OPCML: variants seen among roughly 807,000 people sequenced by gnomAD.
The protein encoded by OPCML is opioid binding protein/cell adhesion molecule like, also known as opioid-binding protein/cell adhesion molecule.
In OPCML, 13 loss-of-function variants were observed where a neutral mutation model predicts 37.8. The observed-to-expected ratio is 0.34, with a 90% CI of 0.22 to 0.55. The LOEUF (loss-of-function observed/expected upper bound fraction) is 0.55. Ranked by LOEUF, OPCML falls within the 20% of genes least tolerant of loss-of-function variation. The probability of loss-of-function intolerance (pLI) is 0.91; values close to 1 mark genes in which losing one functional copy is unlikely to be tolerated. For synonymous variants in OPCML, 176 were observed against 168.8 expected (o/e 1.04, Z -0.33); for missense variants, 341 against 435.6 (o/e 0.78, Z 1.93).
intron 1 of OPCML, among the ~76,000 whole-genome samples, chr11:133,437,352 C>G (rs570477283): frequency 6.6e-6 from 1 of 152,290 alleles, no homozygotes; most frequent in South Asian, 2.1e-4. Flanking sequence ...TCCACTTTCT[C>G]TCTGGGCATC....
chr11:132,532,855 C>G (rs559145062), intron 3 of OPCML, among the ~76,000 whole-genome samples: 1 of 152,118 alleles, frequency 6.6e-6, no homozygotes, highest in East Asian at 1.9e-4. Flanking sequence ...ATACTTTTAA[C>G]GTAAATTTAA....
At chr11:132,662,641 A>T (rs1047642501) in intron 2 of OPCML, among the ~76,000 whole-genome samples, 3 of 152,252 alleles carry the variant, frequency 2.0e-5, no homozygotes, top group Non-Finnish European at 4.4e-5. Flanking sequence ...TGGAGAGTGT[A>T]TCATGGGAAC....
intron 3 of OPCML, among the ~76,000 whole-genome samples, chr11:132,631,352 C>CATATATATATATATATATATATAT (rs61450463): frequency 9.8e-5 from 14 of 142,730 alleles, no homozygotes; most frequent in African/African-American, 3.4e-4. Context: ...ACCATATATA[C>CATATATATATATATATATATATAT]ATATATATAT....
At chr11:133,291,672 TA>T (rs1430514779) in intron 1 of OPCML, among the ~76,000 whole-genome samples, 1 of 152,254 alleles carries the variant, frequency 6.6e-6, no homozygotes, top group African/African-American at 2.4e-5. Context: ...CACAGGCTTA[TA>T]GCCCTGGGGG....
chr11:132,734,066 G>T (rs1945172853), intron 2 of OPCML, among the ~76,000 whole-genome samples: 1 of 152,150 alleles, frequency 6.6e-6, no homozygotes, highest in East Asian at 1.9e-4. Flanking sequence ...ATCTCAGAGT[G>T]TTTTTATGAA....
At chr11:132,468,137 T>G (rs1200633330) in intron 4 of OPCML, among the ~76,000 whole-genome samples, 1 of 152,234 alleles carries the variant, frequency 6.6e-6, no homozygotes, top group Admixed American at 6.5e-5. Context: ...TTACTCATGC[T>G]TCAGCTCTTG....
chr11:132,941,396 G>T lies in OPCML; in HGVS notation c.146+1530C>A, dbSNP rs187229234. 2.0e-5 allele frequency among the ~76,000 whole-genome samples: 3 copies of T among 152,310 alleles called. No homozygotes were observed. The East Asian group carries it at 5.8e-4, about 29-fold the overall frequency. On this transcript the variant is annotated intron_variant, in intron 2 of 7. Transcript: ENST00000524381. ...CCTCTTTGCCCCCAGTGGCACATTAGATGGTAAAGAGGTGTGTGGCAGCAT... is the reference window on the plus strand; with the variant it reads ...CCTCTTTGCCCCCAGTGGCACATTATATGGTAAAGAGGTGTGTGGCAGCAT...
rs889779903 is a variant in OPCML at position 132,792,215 on chromosome 11, G to A, written c.147-134896C>T. ...ATTAAAATGCAGGGCATTGTTTTAC[G>A]GAGAGAGACAATTACTGCTACCTGT... On this transcript the variant is annotated intron_variant, in intron 2 of 7. Coordinates refer to ENST00000524381, the MANE Select transcript of OPCML (RefSeq NM_001012393.5). 4.6e-5 allele frequency among the ~76,000 whole-genome samples: 7 copies of A among 151,902 alleles called. 1 individual carries two copies. Among genetic ancestry groups the A allele is most frequent in the Non-Finnish European group, 8.8e-5 (6 of 68,014 alleles).
rs570722611 is a variant in OPCML at position 133,233,456 on chromosome 11, A to G, written c.62-290446T>C. 3.3e-5 allele frequency among the ~76,000 whole-genome samples: 5 copies of G among 152,298 alleles called. No homozygotes were observed. In the South Asian group the frequency reaches 1.0e-3, roughly 32 times the overall value. ...TCCTGTTACTGGGGATGGAGAGTCA[A>G]TGCCATGGTAAATTAGTACAAACAA... On this transcript the variant is annotated intron_variant, in intron 1 of 7. Coordinates refer to ENST00000524381, the MANE Select transcript of OPCML (RefSeq NM_001012393.5).
chr11:132,455,363 A>G (rs1431043838), intron 4 of OPCML, among the ~76,000 whole-genome samples: 1 of 152,160 alleles, frequency 6.6e-6, no homozygotes, highest in African/African-American at 2.4e-5. Context: ...CCTTAACTCA[A>G]AAGGTCACCT....
chr11:133,070,384 G>A (rs745628887), intron 1 of OPCML, among the ~76,000 whole-genome samples: 5 of 152,156 alleles, frequency 3.3e-5, no homozygotes, highest in Non-Finnish European at 7.3e-5. Context: ...CCTTCTGCTA[G>A]TTGGTAAATT....
chr11:132,701,406 G>T (rs1262977331), intron 2 of OPCML, among the ~76,000 whole-genome samples: 1 of 152,134 alleles, frequency 6.6e-6, no homozygotes, highest in Non-Finnish European at 1.5e-5. Flanking sequence ...GACCATTTTT[G>T]TCTCTTATGA....
At chr11:132,634,092 C>T (rs1940330923) in intron 3 of OPCML, among the ~76,000 whole-genome samples, 1 of 152,118 alleles carries the variant, frequency 6.6e-6, no homozygotes, top group African/African-American at 2.4e-5. Context: ...TGCATGTCAC[C>T]TTTTGTTAAG....
At chr11:133,119,186 G>T (rs1034404925) in intron 1 of OPCML, among the ~76,000 whole-genome samples, 1 of 152,018 alleles carries the variant, frequency 6.6e-6, no homozygotes, top group Non-Finnish European at 1.5e-5. Context: ...CAAACATACT[G>T]GCCAGGAGAC....
intron 1 of OPCML, among the ~76,000 whole-genome samples, chr11:133,228,042 G>T (rs1940112792): frequency 6.6e-6 from 1 of 152,190 alleles, no homozygotes; most frequent in Admixed American, 6.5e-5. Flanking sequence ...CTTCTTAGGT[G>T]AGGTTTTCAT....
intron 1 of OPCML, among the ~76,000 whole-genome samples, chr11:133,470,617 G>A (rs1435924095): frequency 6.6e-6 from 1 of 152,190 alleles, no homozygotes; most frequent in African/African-American, 2.4e-5. Context: ...CCAGCAGAAT[G>A]CTGTGATTCT....
chr11:132,858,555 C>A (rs1473211592), intron 2 of OPCML, among the ~76,000 whole-genome samples: 1 of 152,214 alleles, frequency 6.6e-6, no homozygotes, highest in Non-Finnish European at 1.5e-5. Flanking sequence ...CTCCACCCAA[C>A]CCAAGAGGGA....
chr11:132,963,155 C>T (rs917203113), intron 1 of OPCML, among the ~76,000 whole-genome samples: 2 of 152,098 alleles, frequency 1.3e-5, no homozygotes, highest in East Asian at 1.9e-4. Context: ...GACTTTAGGA[C>T]CTGGAAAGGG....
chr11:133,102,910 T>A (rs1189089726), intron 1 of OPCML, among the ~76,000 whole-genome samples: 2 of 152,042 alleles, frequency 1.3e-5, no homozygotes, highest in Non-Finnish European at 2.9e-5. Flanking sequence ...AGCAAGGGAG[T>A]GGAGCCCTAG....
Sources: gnomAD v4.1 joint callset for allele counts (sites outside exome capture counted in the v4.1 genomes callset) on GRCh38, gnomAD v4.1.1 for gene constraint, MANE v1.5 for transcripts, NCBI Gene and HGNC (gene_info 2026-07-23, HGNC 2026-07-21) for gene names.